ZBTB20: variants seen among roughly 807,000 people sequenced by gnomAD.
ZBTB20 encodes zinc finger and BTB domain-containing protein 20.
A neutral mutation model predicts 56.9 loss-of-function variants in ZBTB20; 9 were observed. The observed-to-expected ratio is 0.16, with a 90% CI of 0.10 to 0.28. The LOEUF (loss-of-function observed/expected upper bound fraction) is 0.28. Ranked by LOEUF, ZBTB20 falls within the 10% of genes least tolerant of loss-of-function variation. The probability of loss-of-function intolerance (pLI) is 1.00; values close to 1 mark genes in which losing one functional copy is unlikely to be tolerated. For missense variants in ZBTB20, 655 were observed against 1,003.0 expected, an observed-to-expected ratio of 0.65 and a Z score of 4.69; for synonymous variants, 417 against 420.7, an observed-to-expected ratio of 0.99 and a Z score of 0.11.
In ZBTB20 at chr3:114,339,095, C is replaced by T. The variant is rs2079570455; in HGVS notation, c.2136G>A (p.Gly712=). 1 of 1,592,350 alleles carries T rather than the reference C, an allele frequency of 6.3e-7. No individual in the cohort carries two copies. The highest frequency in any genetic ancestry group is 8.6e-7 in the Non-Finnish European group (1 of 1,167,582). The change falls in exon 12 of 12, where the codon GGG becomes GGA. Residue 712 remains glycine, a synonymous_variant. Transcript: ENST00000675478. The surrounding 1 kb of genome is among the most constrained non-coding windows in gnomAD (Gnocchi z 4.2). ...GGCAGACGGAGCAGACGTAAGTGGT[C>T]CCCTCCGTGCAGGCCACCACGCCTG... ...GPPGVVACTE[G]TTYVCSVCPA... is the part of the protein sequence containing the mutation.
chr3:115,029,190 G>T (rs950193427), intron 2 of ZBTB20, among the ~76,000 whole-genome samples: 1 of 150,482 alleles, frequency 6.6e-6, no homozygotes, highest in Non-Finnish European at 1.5e-5. Context: ...AAAAATGTCA[G>T]ACTTATATGG....
chr3:114,477,479 G>C (rs1016912535), intron 7 of ZBTB20, among the ~76,000 whole-genome samples: 2 of 141,594 alleles, frequency 1.4e-5, no homozygotes, highest in Non-Finnish European at 3.1e-5. Context: ...AATGACCTTT[G>C]TTCCCTGCAC....
intron 6 of ZBTB20, among the ~76,000 whole-genome samples, chr3:114,642,589 C>G (rs1438996249): frequency 6.6e-6 from 1 of 151,916 alleles, no homozygotes; most frequent in African/African-American, 2.4e-5. Flanking sequence ...GCACTTTTCC[C>G]GACTGCCGAT....
chr3:114,839,568 G>C (rs573234876), intron 4 of ZBTB20, among the ~76,000 whole-genome samples: 2 of 152,322 alleles, frequency 1.3e-5, no homozygotes, highest in African/African-American at 4.8e-5. Flanking sequence ...GCAATATCCA[G>C]TGTGGTGGAT....
intron 8 of ZBTB20, among the ~76,000 whole-genome samples, chr3:114,385,111 A>G (rs1051160930): frequency 3.3e-5 from 5 of 152,068 alleles, no homozygotes; most frequent in Non-Finnish European, 7.4e-5. Flanking sequence ...GTCTTTTCCT[A>G]TCTGGTAAGT....
At chr3:114,972,856 C>A (rs2077944604) in intron 3 of ZBTB20, among the ~76,000 whole-genome samples, 1 of 150,452 alleles carries the variant, frequency 6.6e-6, no homozygotes, top group Non-Finnish European at 1.5e-5. Context: ...CTCTCACAGA[C>A]ACACACACAC....
intron 6 of ZBTB20, among the ~76,000 whole-genome samples, chr3:114,566,014 C>CTTTTTTT (rs539761371): frequency 0.094 from 13,489 of 143,334 alleles, 720 homozygotes; most frequent in African/African-American, 0.16. Context: ...CTTTTTTTTT[C>CTTTTTTT]TTTTTTTAAA....
intron 5 of ZBTB20, among the ~76,000 whole-genome samples, chr3:114,773,871 T>C (rs1329192864): frequency 6.6e-6 from 1 of 152,196 alleles, no homozygotes. Flanking sequence ...AAAACTATGA[T>C]TATTTATTTT....
chr3:114,493,697 G>A (rs1267864968), intron 7 of ZBTB20, among the ~76,000 whole-genome samples: 1 of 152,176 alleles, frequency 6.6e-6, no homozygotes, highest in East Asian at 1.9e-4. Context: ...TTTCAGAGAA[G>A]CTTCTCCTGA....
chr3:115,142,884 C>A (rs181504388), intron 1 of ZBTB20, among the ~76,000 whole-genome samples: 7 of 151,968 alleles, frequency 4.6e-5, no homozygotes, highest in Non-Finnish European at 7.4e-5. Flanking sequence ...TAGGTATAAG[C>A]GTGACAAACC....
chr3:114,562,452 C>T (rs1053011670), intron 6 of ZBTB20, among the ~76,000 whole-genome samples: 6 of 152,100 alleles, frequency 3.9e-5, no homozygotes, highest in Non-Finnish European at 5.9e-5. Flanking sequence ...AGTGAGCCAC[C>T]GCTCCTGTTT....
chr3:114,538,047 C>G (rs1002464182), intron 6 of ZBTB20, among the ~76,000 whole-genome samples: 1 of 151,920 alleles, frequency 6.6e-6, no homozygotes, highest in Non-Finnish European at 1.5e-5. Flanking sequence ...CAGGTTGATA[C>G]GTGCAGCAAA....
intron 6 of ZBTB20, among the ~76,000 whole-genome samples, chr3:114,604,101 TTCA>T (rs1232091001): frequency 6.6e-6 from 1 of 152,114 alleles, no homozygotes; most frequent in Non-Finnish European, 1.5e-5. Flanking sequence ...TATAAGGTTG[TTCA>T]CTGTAATATT....
rs114382238 is a variant in ZBTB20, at chr3:114,927,068, G to C, written c.-455-26726C>G. On this transcript the variant is annotated intron_variant, in intron 3 of 11. Coordinates refer to ENST00000675478, the MANE Select transcript of ZBTB20 (RefSeq NM_001348800.3). The stretch of plus-strand genomic sequence containing the variant: ...TGGGGCCCAAAATCACTAAGCTAAA[G>C]GGAAAAGTCAAGCTGGGGACTGCTT... Among the ~76,000 whole-genome samples the C allele has an allele frequency of 7.4e-3, 1,132 of 152,274 alleles. 12 individuals are homozygous for C. Among genetic ancestry groups the C allele is most frequent in the African/African-American group, 0.025 (1,027 of 41,556 alleles).
At chr3:114,761,755 A>G (rs1198336437) in intron 5 of ZBTB20, among the ~76,000 whole-genome samples, 1 of 151,662 alleles carries the variant, frequency 6.6e-6, no homozygotes, top group African/African-American at 2.4e-5. Context: ...AATCGCCTGA[A>G]CCTGGGAGAT....
At chr3:114,738,997 T>TGG (rs2066385336) in intron 5 of ZBTB20, among the ~76,000 whole-genome samples, 1 of 152,178 alleles carries the variant, frequency 6.6e-6, no homozygotes, top group African/African-American at 2.4e-5. Context: ...TCAGCGATCC[T>TGG]GGGCTCAGGT....
intron 4 of ZBTB20, among the ~76,000 whole-genome samples, chr3:114,879,482 T>A (rs974723688): frequency 7.9e-5 from 12 of 152,162 alleles, no homozygotes; most frequent in Non-Finnish European, 1.2e-4. Context: ...AAGTTGTTGA[T>A]CCTCCGAAAA....
At chr3:114,546,667 G>C (rs974321285) in intron 6 of ZBTB20, among the ~76,000 whole-genome samples, 9 of 151,504 alleles carry the variant, frequency 5.9e-5, no homozygotes, top group African/African-American at 2.2e-4. Context: ...AAAGTTGCAC[G>C]TGGAGAATTC....
intron 4 of ZBTB20, among the ~76,000 whole-genome samples, chr3:114,899,556 AG>A (rs1429247731): frequency 3.3e-5 from 5 of 152,200 alleles, no homozygotes; most frequent in African/African-American, 1.2e-4. Flanking sequence ...CATAAAACAG[AG>A]GATTTAAAGA....
Sources: allele counts gnomAD v4.1 joint callset (sites outside exome capture counted in the v4.1 genomes callset), GRCh38; gene constraint gnomAD v4.1.1; non-coding constraint Gnocchi (gnomAD v3.1); transcripts MANE v1.5; gene names NCBI Gene and HGNC (gene_info 2026-07-23, HGNC 2026-07-21).